The following KIF26B variants were observed in gnomAD, a reference collection of about 807,000 sequenced individuals.
KIF26B encodes kinesin family member 26B.
A neutral mutation model predicts 151.2 loss-of-function variants in KIF26B; 63 were observed. That is an observed-to-expected ratio of 0.42 (90% CI 0.34 to 0.51). KIF26B has a LOEUF of 0.51. Among genes scored for constraint, KIF26B ranks in the 20% least tolerant of loss-of-function variants. The probability of loss-of-function intolerance (pLI) is 0.07; values close to 1 mark genes in which losing one functional copy is unlikely to be tolerated. For synonymous variants in KIF26B, 1,357 were observed against 1,262.1 expected, an observed-to-expected ratio of 1.08 and a Z score of -1.59; for missense variants, 2,813 against 2,913.6, an observed-to-expected ratio of 0.97 and a Z score of 0.79.
chr1:245,261,520 CCTCT>C (rs1670644860), intron 2 of KIF26B, among the ~76,000 whole-genome samples: 2 of 119,178 alleles, frequency 1.7e-5, no homozygotes, highest in African/African-American at 3.1e-5. Flanking sequence ...TCCCTCCCTC[CCTCT>C]CTCTCCCTCT....
chr1:245,408,037 G>A (rs957235783), intron 3 of KIF26B, among the ~76,000 whole-genome samples: 16 of 152,134 alleles, frequency 1.1e-4, no homozygotes, highest in Non-Finnish European at 1.9e-4. Flanking sequence ...AGAAACAGTG[G>A]TAGCCTTTGC....
At chr1:245,474,662 C>T (rs1049466530) in intron 4 of KIF26B, among the ~76,000 whole-genome samples, 2 of 151,768 alleles carry the variant, frequency 1.3e-5, no homozygotes, top group Non-Finnish European at 2.9e-5. Flanking sequence ...ATCCGCCTGC[C>T]TTGGCCTCCC....
In KIF26B at chr1:245,687,079, A is replaced by G; in HGVS notation, c.4096A>G (p.Ser1366Gly). The change falls in exon 12 of 15, where the codon AGC becomes GGC. Residue 1366 changes from serine to glycine, a missense_variant. By Grantham distance (56) the Ser-to-Gly change is moderately conservative. Transcript: ENST00000407071. The surrounding 1 kb of genome is among the most constrained non-coding windows in gnomAD (Gnocchi z 4.9). ...PIKGCKISTV[S>G]KAMVTISNTA... ...CAAAGGCTGCAAAATATCCACAGTG[A>G]GCAAGGCCATGGTCACCATCTCCAA... The G allele has an allele frequency of 6.2e-7, 1 of 1,613,458 alleles. No individual in the cohort carries two copies.
In KIF26B at chr1:245,237,188, C is replaced by T. The variant is rs79648798; in HGVS notation, c.465+80505C>T. Among the ~76,000 whole-genome samples the T allele has an allele frequency of 4.7e-3, 712 of 152,292 alleles. 3 individuals carry two copies. The highest frequency in any genetic ancestry group is 7.5e-3 in the Admixed American group (115 of 15,282). ...CATTCTTGCCCATTGCCCCTGGTGG[C>T]GTGTCCTTTGCTAAATGAGGGCTAG... is the stretch of plus-strand genomic sequence containing the variant. On this transcript the variant is annotated intron_variant, in intron 2 of 14. Transcript: ENST00000407071.
chr1:245,470,291 A>G (rs1659882281), intron 4 of KIF26B, among the ~76,000 whole-genome samples: 1 of 152,140 alleles, frequency 6.6e-6, no homozygotes. Flanking sequence ...ACAATCATCT[A>G]GATTGGAGTT....
intron 2 of KIF26B, among the ~76,000 whole-genome samples, chr1:245,295,676 G>A (rs1671324529): frequency 6.6e-6 from 1 of 152,200 alleles, no homozygotes; most frequent in East Asian, 1.9e-4. Context: ...TAGAGATGAC[G>A]ATTCTGTTTA....
intron 5 of KIF26B, among the ~76,000 whole-genome samples, chr1:245,551,960 G>T (rs1661891464): frequency 6.6e-6 from 1 of 152,072 alleles, no homozygotes. Flanking sequence ...TGTTCAGTGG[G>T]TCTCCTTAAC....
At chr1:245,255,289 C>T (rs914608578) in intron 2 of KIF26B, among the ~76,000 whole-genome samples, 22 of 152,144 alleles carry the variant, frequency 1.4e-4, no homozygotes, top group Non-Finnish European at 2.8e-4. Context: ...GTTATAGCAG[C>T]GCAACATGGG....
At chr1:245,622,191 A>G (rs1413073450) in intron 9 of KIF26B, among the ~76,000 whole-genome samples, 1 of 152,256 alleles carries the variant, frequency 6.6e-6, no homozygotes, top group Non-Finnish European at 1.5e-5. Context: ...AGCATAAAAC[A>G]GAAGTGACAC....
At chr1:245,457,369 G>A (rs895015451) in intron 4 of KIF26B, among the ~76,000 whole-genome samples, 2 of 152,110 alleles carry the variant, frequency 1.3e-5, no homozygotes, top group Non-Finnish European at 2.9e-5. Context: ...TAATGTTAGC[G>A]GAACATCACA....
intron 2 of KIF26B, among the ~76,000 whole-genome samples, chr1:245,356,181 C>A (rs1438618115): frequency 6.6e-6 from 1 of 152,078 alleles, no homozygotes; most frequent in African/African-American, 2.4e-5. Context: ...CCCAGTACTC[C>A]CAGGACACTA....
At chr1:245,315,403 C>T (rs1339363299) in intron 2 of KIF26B, among the ~76,000 whole-genome samples, 4 of 151,214 alleles carry the variant, frequency 2.6e-5, no homozygotes, top group South Asian at 2.1e-4. Context: ...CCAGGCTGGG[C>T]GACAGAGTGA....
At chr1:245,683,993 G>A (rs2044473566) in intron 10 of KIF26B, among the ~76,000 whole-genome samples, 1 of 152,224 alleles carries the variant, frequency 6.6e-6, no homozygotes, top group Non-Finnish European at 1.5e-5. Flanking sequence ...TCACAGCCAG[G>A]ACAGAAGCGC....
At position 245,578,277 on chromosome 1, in the gene KIF26B, C is replaced by T. The variant is rs569690015; in HGVS notation, c.1351-24300C>T. Reference sequence around the variant, plus strand: ...CCACATACCCAGAACCTGGGACTAGCCCCTTGGCAAAGACTCCATGAGCCT... The same window carrying T: ...CCACATACCCAGAACCTGGGACTAGTCCCTTGGCAAAGACTCCATGAGCCT... On this transcript the variant is annotated intron_variant, in intron 5 of 14. Transcript: ENST00000407071. Among the ~76,000 whole-genome samples the T allele has an allele frequency of 5.0e-4, 76 of 152,358 alleles. 1 individual carries two copies. The highest frequency in any genetic ancestry group is 1.8e-3 in the African/African-American group (73 of 41,582).
At chr1:245,398,694 G>T (rs919527321) in intron 3 of KIF26B, among the ~76,000 whole-genome samples, 2 of 151,832 alleles carry the variant, frequency 1.3e-5, no homozygotes, top group Non-Finnish European at 1.5e-5. Flanking sequence ...AGAGGACAAA[G>T]AATTGCCCTC....
chr1:245,317,291 G>A (rs535327153), intron 2 of KIF26B, among the ~76,000 whole-genome samples: 4 of 152,248 alleles, frequency 2.6e-5, no homozygotes, highest in Middle Eastern at 3.4e-3. Flanking sequence ...CAGTGTTCAC[G>A]GGCCTAATAT....
intron 4 of KIF26B, among the ~76,000 whole-genome samples, chr1:245,531,022 G>C (rs1661346523): frequency 1.3e-5 from 2 of 152,138 alleles, no homozygotes; most frequent in African/African-American, 4.8e-5. Flanking sequence ...CCATAATAAT[G>C]TTGTCTTGTG....
chr1:245,228,260 G>GC (rs974040039), intron 2 of KIF26B, among the ~76,000 whole-genome samples: 2 of 152,122 alleles, frequency 1.3e-5, no homozygotes, highest in Non-Finnish European at 2.9e-5. Context: ...TCCATAACTA[G>GC]CACCACCTTT....
chr1:245,554,560 A>G (rs1661973337), intron 5 of KIF26B, among the ~76,000 whole-genome samples: 1 of 152,220 alleles, frequency 6.6e-6, no homozygotes, highest in Non-Finnish European at 1.5e-5. Flanking sequence ...ATCATTCTTC[A>G]GGTAGATAGC....
Sources: gnomAD v4.1 joint callset for allele counts (sites outside exome capture counted in the v4.1 genomes callset) on GRCh38, gnomAD v4.1.1 for gene constraint, Gnocchi (gnomAD v3.1) non-coding constraint, MANE v1.5 for transcripts, NCBI Gene and HGNC (gene_info 2026-07-23, HGNC 2026-07-21) for gene names.